The following PAX6 variants were observed in gnomAD, a reference collection of about 807,000 sequenced individuals.
The protein encoded by PAX6 is paired box protein Pax-6.
In PAX6, 7 loss-of-function variants were observed where a neutral mutation model predicts 60.7. That is an observed-to-expected ratio of 0.12 (90% confidence interval 0.07 to 0.22). The LOEUF (loss-of-function observed/expected upper bound fraction) is 0.22. Ranked by LOEUF, PAX6 falls within the 10% of genes least tolerant of loss-of-function variation. The pLI, the probability that PAX6 is intolerant of heterozygous loss-of-function variation, is 1.00. For missense variants in PAX6, 355 were observed against 555.2 expected, an observed-to-expected ratio of 0.64 and a Z score of 3.62; for synonymous variants, 208 against 201.2, an observed-to-expected ratio of 1.03 and a Z score of -0.29.
intron 6 of PAX6, 26 bp downstream of exon 6, chr11:31,801,845 T>G (rs752074099): frequency 6.2e-7 from 1 of 1,613,680 alleles, no homozygotes; most frequent in South Asian, 1.1e-5. Context: ...ATTGTTTAAG[T>G]ATGCATTAAA....
chr11:31,807,906 A>G (rs1273505919), intron 2 of PAX6: 5 of 150,428 alleles, frequency 3.3e-5, no homozygotes, highest in Non-Finnish European at 7.4e-5. Flanking sequence ...ACCTTTCCCA[A>G]AGGAAAAAAA....
At chr11:31,798,284 C>A (rs1952319924) in intron 8 of PAX6, among the ~76,000 whole-genome samples, 1 of 152,130 alleles carries the variant, frequency 6.6e-6, no homozygotes, top group African/African-American at 2.4e-5. Flanking sequence ...AGAATTGGGG[C>A]TGGATAGAGT....
At chr11:31,796,548 T>A (rs1022097170) in intron 8 of PAX6, among the ~76,000 whole-genome samples, 1 of 129,834 alleles carries the variant, frequency 7.7e-6, no homozygotes, top group African/African-American at 3.0e-5. Flanking sequence ...CAGGGCTGGG[T>A]TCCTACATAG....
chr11:31,805,122 G>C (rs976401400), intron 4 of PAX6: 2 of 152,336 alleles, frequency 1.3e-5, no homozygotes, highest in African/African-American at 2.4e-5. Context: ...ACCCGGGAAC[G>C]AGCGGCACAA....
upstream of PAX6, among the ~76,000 whole-genome samples, chr11:31,813,622 A>G (rs1336652658): frequency 6.6e-6 from 1 of 152,078 alleles, no homozygotes; most frequent in Non-Finnish European, 1.5e-5. Context: ...CAGAAAAGGC[A>G]AGGAGCGAGG....
chr11:31,816,721 G>C, intron 1 of PAX6: 2 of 691,062 alleles, frequency 2.9e-6, no homozygotes, highest in Non-Finnish European at 5.3e-6. Context: ...GCTCGGAGTC[G>C]GGCGGAGGTC....
Position 31,793,561 on chromosome 11 carries a change from C to A in PAX6, c.959-8G>T, listed in dbSNP as rs762453584. 1 of 1,613,976 alleles carries A rather than the reference C, an allele frequency of 6.2e-7. No individual in the cohort carries two copies. Among genetic ancestry groups the A allele is most frequent in the Non-Finnish European group, 8.5e-7 (1 of 1,179,820 alleles). On this transcript the variant is annotated splice_polypyrimidine_tract_variant and splice_region_variant and intron_variant, in intron 11 of 13. Coordinates refer to ENST00000640368, the MANE Select transcript of PAX6 (RefSeq NM_001368894.2). ...CAGATGTGAAGGAGGAAACTGAGGG[C>A]AAGAGAAATGACAGTAGTCAGAGTG...
intron 9 of PAX6, 156 bp from the exon 10 acceptor site, chr11:31,794,270 T>G (rs1950764500): frequency 2.8e-6 from 2 of 723,544 alleles, no homozygotes; most frequent in Admixed American, 2.0e-5. Context: ...GGAAGAACTT[T>G]CCCACCAGAA....
chr11:31,794,815 G>T lies in PAX6; in HGVS notation c.566-27C>A, dbSNP rs1288916989. 5 of 1,613,266 alleles carry T rather than the reference G, an allele frequency of 3.1e-6. No homozygotes were observed. The South Asian group carries it at 5.5e-5, about 18-fold the overall frequency. The stretch of plus-strand genomic sequence containing the variant: ...TGGAACAAAAAGAATAGGATGGTAA[G>T]AGAAATTTGGATTAACTTGGAGCCT... On this transcript the variant is annotated intron_variant, in intron 8 of 13. Transcript: ENST00000640368.
At chr11:31,793,851 C>T in intron 10 of PAX6, 49 bp from the exon 11 acceptor site, 1 of 1,610,684 alleles carries the variant, frequency 6.2e-7, no homozygotes, top group Non-Finnish European at 8.5e-7. Context: ...TCGAGCCCAG[C>T]CCCACCTTGG....
intron 8 of PAX6, among the ~76,000 whole-genome samples, chr11:31,795,121 ATC>A (rs1485623124): frequency 1.3e-5 from 2 of 152,210 alleles, no homozygotes; most frequent in African/African-American, 4.8e-5. Flanking sequence ...TCCCTACAGA[ATC>A]TCTTTACCTA....
intron 2 of PAX6, chr11:31,808,154 A>G (rs144152015): frequency 2.3e-4 from 35 of 152,208 alleles, no homozygotes; most frequent in African/African-American, 7.5e-4. Flanking sequence ...TTTTTTTTTA[A>G]ATGCATTATT....
At chr11:31,799,958 C>G (rs1201831644) in intron 8 of PAX6, among the ~76,000 whole-genome samples, 1 of 148,672 alleles carries the variant, frequency 6.7e-6, no homozygotes, top group African/African-American at 2.5e-5. Flanking sequence ...CCGCCCCACC[C>G]CCCCCATCCC....
chr11:31,816,437 A>T, intron 1 of PAX6: 1 of 663,940 alleles, frequency 1.5e-6, no homozygotes, highest in East Asian at 2.7e-5. Flanking sequence ...GGTCAGAGGT[A>T]ATTATGTCAC....
At chr11:31,801,222 T>G (rs1592537158) in intron 7 of PAX6, 1 of 1,318,790 alleles carries the variant, frequency 7.6e-7, no homozygotes, top group Admixed American at 3.1e-5. Flanking sequence ...GAAATGGATG[T>G]GTGACACCTG....
intron 10 of PAX6, 114 bp downstream of exon 10, chr11:31,793,918 C>T (rs537827893): frequency 4.3e-5 from 58 of 1,345,342 alleles, no homozygotes; most frequent in African/African-American, 8.6e-5. Flanking sequence ...GCAGACTGAA[C>T]CTTTTTATTA....
Position 31,806,416 on chromosome 11 carries a change from G to A in PAX6, c.-5C>T, listed in dbSNP as rs761226699. The A allele has an allele frequency of 6.2e-7, 1 of 1,609,962 alleles. No homozygotes were observed. Among genetic ancestry groups the A allele is most frequent in the Non-Finnish European group, 8.5e-7 (1 of 1,178,310 alleles). On this transcript the variant is annotated 5_prime_UTR_variant, in exon 4 of 14. Transcript: ENST00000640368. ...GAGGCACTTACTGTTCTGCATGCTG[G>A]CTCTGGCTGGGGGCCGCGGGATTCC...
chr11:31,793,094 G>C, intron 12 of PAX6: 1 of 601,824 alleles, frequency 1.7e-6, no homozygotes, highest in East Asian at 2.7e-5. Flanking sequence ...TCTGCTATCT[G>C]ATAATGTGCC....
intron 1 of PAX6, among the ~76,000 whole-genome samples, chr11:31,817,338 C>T (rs896060438): frequency 2.0e-5 from 3 of 152,282 alleles, no homozygotes; most frequent in Non-Finnish European, 2.9e-5. Context: ...CCGCGGGAAA[C>T]TTCTGCTGCA....
Sources: gnomAD v4.1 joint callset for allele counts (sites outside exome capture counted in the v4.1 genomes callset) on GRCh38, gnomAD v4.1.1 for gene constraint, MANE v1.5 for transcripts, NCBI Gene and HGNC (gene_info 2026-07-23, HGNC 2026-07-21) for gene names.